Variants in USP25 observed in about 807,000 individuals in gnomAD.
The protein encoded by USP25 is ubiquitin specific peptidase 25, also known as ubiquitin carboxyl-terminal hydrolase 25.
A neutral mutation model predicts 158.5 loss-of-function variants in USP25; 85 were observed. The observed-to-expected ratio is 0.54, with a 90% confidence interval of 0.45 to 0.64. The LOEUF (loss-of-function observed/expected upper bound fraction) is 0.64. Ranked by LOEUF, USP25 falls within the 30% of genes least tolerant of loss-of-function variation. The pLI, the probability that USP25 is intolerant of heterozygous loss-of-function variation, is 0.00. For missense variants in USP25, 1,242 were observed against 1,327.3 expected (o/e 0.94, Z 1.00); for synonymous variants, 464 against 460.4 (o/e 1.01, Z -0.10).
Position 15,875,741 on chromosome 21 carries a change from G to A in USP25, c.3009+1215G>A, listed in dbSNP as rs1374359488. Among the ~76,000 whole-genome samples, 4 of 152,216 alleles carry A rather than the reference G, an allele frequency of 2.6e-5. No homozygotes were observed. Among genetic ancestry groups the A allele is most frequent in the African/African-American group, 9.6e-5 (4 of 41,462 alleles). ...TCACTGTGGCTATCCAGGTTATGAG[G>A]AAGTGGGGTAAGGTGGAAGTGATGA... On this transcript the variant is annotated intron_variant, in intron 24 of 25. Transcript: ENST00000400183. The surrounding 1 kb of genome is among the most constrained non-coding windows in gnomAD (Gnocchi z 4.7).
intron 4 of USP25, among the ~76,000 whole-genome samples, chr21:15,783,331 C>T (rs1355618949): frequency 3.9e-5 from 6 of 152,062 alleles, no homozygotes; most frequent in African/African-American, 1.4e-4. Flanking sequence ...AGGCATAGAC[C>T]ACCCATTTGG....
At chr21:15,736,192 G>C (rs1034398392) in intron 1 of USP25, among the ~76,000 whole-genome samples, 8 of 151,862 alleles carry the variant, frequency 5.3e-5, no homozygotes, top group Non-Finnish European at 8.8e-5. Context: ...CTGCCTCCCA[G>C]GTTCAAGCAA....
At chr21:15,785,260 A>G (rs745543022) in intron 4 of USP25, among the ~76,000 whole-genome samples, 1 of 152,226 alleles carries the variant, frequency 6.6e-6, no homozygotes, top group African/African-American at 2.4e-5. Context: ...AGCAAATATT[A>G]TTAGATTTAA....
chr21:15,780,135 A>T (rs971397562), intron 4 of USP25, among the ~76,000 whole-genome samples: 1 of 152,180 alleles, frequency 6.6e-6, no homozygotes, highest in Non-Finnish European at 1.5e-5. Context: ...ACTGAAGTTG[A>T]TATAGGGAAA....
rs952242413 is a variant in USP25, at chr21:15,864,176, T to C, written c.2548-92T>C. ...TAAAAGCCAAAAAAAAAAAAAAGAT[T>C]TAAATGCAAGAAGAATTAAACTCAT... On this transcript the variant is annotated intron_variant, in intron 20 of 25. Coordinates refer to ENST00000400183, the MANE Select transcript of USP25 (RefSeq NM_001283041.3). 21 of 1,329,932 alleles carry C rather than the reference T, an allele frequency of 1.6e-5. No homozygotes were observed. In the African/African-American group the frequency reaches 3.2e-4, roughly 20 times the overall value. 82.4% of individuals were successfully genotyped at this position (1,329,932 alleles called of 1,614,324 possible).
chr21:15,824,931 A>T, intron 11 of USP25, 35 bp from the exon 12 acceptor site: 1 of 1,537,072 alleles, frequency 6.5e-7, no homozygotes, highest in East Asian at 2.3e-5. Context: ...CTTTCATGAT[A>T]TTCGGAAATG....
rs77414364 is a variant in USP25 at position 15,778,056 on chromosome 21, A to C, written c.392+29A>C. 4.0e-4 allele frequency: 619 copies of C among 1,540,348 alleles called. 4 individuals are homozygous for C. In the African/African-American group the frequency reaches 7.9e-3, roughly 20 times the overall value. Reference sequence around the variant, plus strand: ...AAAACATAATTTGTATAAAGCAGATATAAGTACTTTTAAAAATAGAAATCA... The same window carrying C: ...AAAACATAATTTGTATAAAGCAGATCTAAGTACTTTTAAAAATAGAAATCA... On this transcript the variant is annotated intron_variant, in intron 4 of 25. Transcript: ENST00000400183.
intron 1 of USP25, among the ~76,000 whole-genome samples, chr21:15,739,282 C>T (rs1217721759): frequency 6.6e-6 from 1 of 151,928 alleles, no homozygotes; most frequent in African/African-American, 2.4e-5. Flanking sequence ...AGGCAGTTAC[C>T]TACTTTTGTA....
intron 1 of USP25, among the ~76,000 whole-genome samples, chr21:15,736,222 T>G: frequency 6.6e-6 from 1 of 152,130 alleles, no homozygotes; most frequent in Middle Eastern, 3.4e-3. Flanking sequence ...CTCAGCCTTC[T>G]GAGTAGCTGG....
At chr21:15,868,603 A>G (rs2039756140) in intron 22 of USP25, among the ~76,000 whole-genome samples, 1 of 152,112 alleles carries the variant, frequency 6.6e-6, no homozygotes, top group African/African-American at 2.4e-5. Flanking sequence ...GTCTTGCTCT[A>G]AGTTCAGGGT....
chr21:15,802,632 G>A (rs1282896930), intron 6 of USP25, among the ~76,000 whole-genome samples: 1 of 151,558 alleles, frequency 6.6e-6, no homozygotes, highest in Non-Finnish European at 1.5e-5. Flanking sequence ...CAAAATTTGA[G>A]GATGAAGCTA....
At chr21:15,847,600 A>G in intron 18 of USP25, 63 bp from the exon 19 acceptor site, 1 of 1,140,802 alleles carries the variant, frequency 8.8e-7, no homozygotes, top group Non-Finnish European at 1.3e-6. Context: ...CAGTTGTGCA[A>G]GGATGCCATT....
At chr21:15,787,902 A>ACCCCCCCCCCCC (rs5842545) in intron 4 of USP25, among the ~76,000 whole-genome samples, 25 of 83,702 alleles carry the variant, frequency 3.0e-4, no homozygotes, top group Non-Finnish European at 5.4e-4. Context: ...ACACCCCCTC[A>ACCCCCCCCCCCC]CCCCCCCCCC....
intron 10 of USP25, among the ~76,000 whole-genome samples, 165 bp downstream of exon 10, chr21:15,819,011 A>G (rs573292225): frequency 2.6e-5 from 4 of 152,340 alleles, no homozygotes; most frequent in Non-Finnish European, 5.9e-5. Context: ...AGACCTGTCC[A>G]GTCAATATGG....
Position 15,805,263 on chromosome 21 carries a change from T to C in USP25, c.780+5T>C, listed in dbSNP as rs1380057649. ...AAATCAAATGACTCACAGCAGGTAG[T>C]TCTGTTGCACTGACTTGTTCATTAA... On this transcript the variant is annotated splice_donor_5th_base_variant and intron_variant, in intron 7 of 25. Coordinates refer to ENST00000400183, the MANE Select transcript of USP25 (RefSeq NM_001283041.3). 1.3e-6 allele frequency: 2 copies of C among 1,591,252 alleles called. No individual in the cohort carries two copies. Among genetic ancestry groups the C allele is most frequent in the Admixed American group, 1.8e-5 (1 of 54,946 alleles).
chr21:15,831,654 A>G, intron 16 of USP25, 25 bp downstream of exon 16: 4 of 1,590,442 alleles, frequency 2.5e-6, no homozygotes, highest in Admixed American at 1.7e-5. Context: ...GGTGGTGTGT[A>G]TTTTTAAATA....
chr21:15,838,459 C>A (rs1187234238), intron 17 of USP25, among the ~76,000 whole-genome samples: 2 of 151,944 alleles, frequency 1.3e-5, no homozygotes, highest in African/African-American at 4.8e-5. Flanking sequence ...AGCTCTTTGT[C>A]CCGGATAAAT....
intron 17 of USP25, among the ~76,000 whole-genome samples, chr21:15,841,846 A>T (rs1003807462): frequency 6.6e-6 from 1 of 152,126 alleles, no homozygotes; most frequent in Non-Finnish European, 1.5e-5. Context: ...TGTTGGATAT[A>T]TAAGTCTGGA....
At position 15,816,739 on chromosome 21, in the gene USP25, T is replaced by C. The variant is rs2146318702; in HGVS notation, c.932-1959T>C. On this transcript the variant is annotated intron_variant, in intron 9 of 25. Transcript: ENST00000400183. This position sits in a 1 kb window ranked among gnomAD's most constrained non-coding sequence, Gnocchi z 4.0. ...ATTCATATTCAACTGTCTTCTCAAA[T>C]TGAAATCTCATGGATCATAATGAAC... 6.6e-6 allele frequency among the ~76,000 whole-genome samples: 1 copy of C among 152,242 alleles called. No homozygotes were observed. Among genetic ancestry groups the C allele is most frequent in the African/African-American group, 2.4e-5 (1 of 41,546 alleles).
Sources: gnomAD v4.1 joint callset for allele counts (sites outside exome capture counted in the v4.1 genomes callset) on GRCh38, gnomAD v4.1.1 for gene constraint, Gnocchi (gnomAD v3.1) non-coding constraint, MANE v1.5 for transcripts, NCBI Gene and HGNC (gene_info 2026-07-23, HGNC 2026-07-21) for gene names.